The following NIBAN2 variants were observed in gnomAD, a reference collection of about 807,000 sequenced individuals.
NIBAN2 encodes niban apoptosis regulator 2.
Under a neutral mutation model 81.8 loss-of-function variants are expected in NIBAN2, and 36 were observed. That is an observed-to-expected ratio of 0.44 (90% confidence interval 0.34 to 0.58). The LOEUF (loss-of-function observed/expected upper bound fraction) is 0.58. NIBAN2 is among the 20% of genes least tolerant of loss of function. NIBAN2 has a pLI of 0.02. For missense variants in NIBAN2, 897 were observed against 1,014.1 expected (o/e 0.88, Z 1.57); for synonymous variants, 445 against 441.6 (o/e 1.01, Z -0.10).
At chr9:127,519,124 G>A (rs1389678701) in intron 5 of NIBAN2, among the ~76,000 whole-genome samples, 4 of 141,232 alleles carry the variant, frequency 2.8e-5, no homozygotes, top group Non-Finnish European at 6.0e-5. Context: ...GCAGTGAGCC[G>A]AGATTGCGCC....
intron 5 of NIBAN2, among the ~76,000 whole-genome samples, chr9:127,522,325 T>C (rs1014230908): frequency 6.6e-6 from 1 of 152,114 alleles, no homozygotes; most frequent in African/African-American, 2.4e-5. Flanking sequence ...CCAGAGGCCA[T>C]TGGCGCCCAC....
At chr9:127,518,934 G>A (rs998920790) in intron 5 of NIBAN2, among the ~76,000 whole-genome samples, 14 of 152,184 alleles carry the variant, frequency 9.2e-5, no homozygotes, top group African/African-American at 2.7e-4. Flanking sequence ...AGTACTTTGG[G>A]AGGCTGAGGT....
chr9:127,562,193 C>T (rs183269925), intron 1 of NIBAN2, among the ~76,000 whole-genome samples: 3 of 152,152 alleles, frequency 2.0e-5, no homozygotes, highest in Admixed American at 6.6e-5. Flanking sequence ...GGCTCCTCCT[C>T]CCACTTCCTC....
chr9:127,564,280 G>A (rs1477461297), intron 1 of NIBAN2, among the ~76,000 whole-genome samples: 3 of 146,140 alleles, frequency 2.1e-5, no homozygotes, highest in African/African-American at 7.6e-5. Context: ...GCAACAAAAT[G>A]AGACTCTGTA....
chr9:127,574,041 G>A (rs1837980289), upstream of NIBAN2, among the ~76,000 whole-genome samples: 1 of 152,188 alleles, frequency 6.6e-6, no homozygotes, highest in Admixed American at 6.5e-5. Flanking sequence ...ATTTGTAAGA[G>A]TTCTTTCTAT....
chr9:127,540,168 TA>T (rs1837351432), intron 1 of NIBAN2, among the ~76,000 whole-genome samples: 1 of 152,150 alleles, frequency 6.6e-6, no homozygotes, highest in Non-Finnish European at 1.5e-5. Context: ...GAACGTTAAT[TA>T]ATCTCTGATT....
intron 1 of NIBAN2, among the ~76,000 whole-genome samples, chr9:127,548,293 C>T (rs1012062220): frequency 2.6e-5 from 4 of 152,222 alleles, no homozygotes; most frequent in African/African-American, 4.8e-5. Flanking sequence ...ACGTACCGCA[C>T]CCCTGAGAAC....
rs1836847939 is a variant in NIBAN2, at chr9:127,517,129, G to A, written c.793C>T (p.Gln265Ter). ...PRLKGKPQER[Q>*]RQWIQISDAV... ...CCACCCACCTGGATCCACTGCCGCT[G>A]CCGCTCCTGCGGTTTCCCCTTCAGC... The change falls in exon 7 of 14, where the codon CAG (glutamine) becomes TAG (stop). Residue 265 changes from glutamine to a stop codon, truncating the protein, a stop_gained. Coordinates refer to ENST00000373312, the MANE Select transcript of NIBAN2 (RefSeq NM_022833.4). LOFTEE classifies it high-confidence loss of function. The surrounding 1 kb of genome is among the most constrained non-coding windows in gnomAD (Gnocchi z 4.0). 2 of 1,613,756 alleles carry A rather than the reference G, an allele frequency of 1.2e-6. No homozygotes were observed. Among genetic ancestry groups the A allele is most frequent in the Non-Finnish European group, 1.7e-6 (2 of 1,179,824 alleles).
At chr9:127,571,994 G>A (rs770069921), upstream of NIBAN2, among the ~76,000 whole-genome samples, 2 of 151,928 alleles carry the variant, frequency 1.3e-5, no homozygotes, top group African/African-American at 2.4e-5. Context: ...TGCATCAAAC[G>A]GATGCATTTT....
At chr9:127,551,752 C>G (rs1331595053) in intron 1 of NIBAN2, among the ~76,000 whole-genome samples, 1 of 152,028 alleles carries the variant, frequency 6.6e-6, no homozygotes, top group Non-Finnish European at 1.5e-5. Flanking sequence ...AAGAAAAGAA[C>G]TACCACAGTG....
At position 127,563,186 on chromosome 9, in the gene NIBAN2, G is replaced by A. The variant is rs1224621501; in HGVS notation, c.55+5634C>T. Among the ~76,000 whole-genome samples, 3 of 152,304 alleles carry A rather than the reference G, an allele frequency of 2.0e-5. No individual in the cohort carries two copies. Among genetic ancestry groups the A allele is most frequent in the South Asian group, 2.1e-4 (1 of 4,834 alleles). ...GGAGCAGCTCTGAGTAGGCGAGGCC[G>A]GCACTCAGGCCCCAGCAGTGGAAAA... On this transcript the variant is annotated intron_variant, in intron 1 of 13. Coordinates refer to ENST00000373312, the MANE Select transcript of NIBAN2 (RefSeq NM_022833.4). This position sits in a 1 kb window ranked among gnomAD's most constrained non-coding sequence, Gnocchi z 4.1.
Position 127,514,891 on chromosome 9 carries a change from C to T in NIBAN2, c.973+1966G>A, listed in dbSNP as rs561969356. On this transcript the variant is annotated intron_variant, in intron 8 of 13. Coordinates refer to ENST00000373312, the MANE Select transcript of NIBAN2 (RefSeq NM_022833.4). ...AGAATAACCTACAGGAGACCAGGCA[C>T]GGCCACTCATGCCTGTAATCCCAGT... Among the ~76,000 whole-genome samples the T allele has an allele frequency of 9.8e-5, 15 of 152,316 alleles. No homozygotes were observed. The East Asian group carries it at 1.9e-3, about 20-fold the overall frequency.
intron 2 of NIBAN2, among the ~76,000 whole-genome samples, chr9:127,527,793 C>T (rs547595198): frequency 1.6e-4 from 24 of 152,350 alleles, no homozygotes; most frequent in African/African-American, 5.8e-4. Context: ...CAAGCCTCTC[C>T]CCAGCTCTAG....
At chr9:127,547,042 A>G (rs925924746) in intron 1 of NIBAN2, among the ~76,000 whole-genome samples, 1 of 151,762 alleles carries the variant, frequency 6.6e-6, no homozygotes, top group African/African-American at 2.4e-5. Context: ...GACAGGCATG[A>G]AAGAGTTAAT....
chr9:127,550,172 C>A (rs533132358), intron 1 of NIBAN2, among the ~76,000 whole-genome samples: 2 of 152,192 alleles, frequency 1.3e-5, no homozygotes, highest in African/African-American at 4.8e-5. Flanking sequence ...AAGCCCCCCA[C>A]CCTTCCTGGC....
rs1375847353 is a variant in NIBAN2, at chr9:127,507,387, C to G, written c.1699G>C (p.Asp567His). Residue 567 changes from aspartate to histidine, a missense_variant, in exon 14 of 14, where the codon GAC becomes CAC. By Grantham distance (81) the Asp-to-His change is moderately conservative (BLOSUM62 -1). Transcript: ENST00000373312. This position sits in a 1 kb window ranked among gnomAD's most constrained non-coding sequence, Gnocchi z 6.8. Reference sequence around the variant, plus strand: ...TCGCTGTTGTGCATGACCATGCTGTCCCGGTAGAGGTTGTGCTTCCTCTGC... The same window carrying G: ...TCGCTGTTGTGCATGACCATGCTGTGCCGGTAGAGGTTGTGCTTCCTCTGC... ...AVQRKHNLYR[D>H]SMVMHNSDPN... The G allele has an allele frequency of 6.6e-7, 1 of 1,521,988 alleles. No homozygotes were observed. Among genetic ancestry groups the G allele is most frequent in the Non-Finnish European group, 8.8e-7 (1 of 1,134,794 alleles). 94.3% of individuals were successfully genotyped at this position (1,521,988 alleles called of 1,614,324 possible).
chr9:127,568,790 T>C (rs1837903607), intron 1 of NIBAN2, 30 bp downstream of exon 1: 1 of 1,287,264 alleles, frequency 7.8e-7, no homozygotes, highest in Non-Finnish European at 9.8e-7. Context: ...GGCAGGCCCC[T>C]GGGCGCGCGT....
At chr9:127,555,072 A>G (rs1307833916) in intron 1 of NIBAN2, among the ~76,000 whole-genome samples, 3 of 152,354 alleles carry the variant, frequency 2.0e-5, no homozygotes, top group African/African-American at 7.2e-5. Flanking sequence ...ATACAAACAT[A>G]CACACTTTCA....
intron 8 of NIBAN2, among the ~76,000 whole-genome samples, chr9:127,510,686 C>T (rs183109674): frequency 6.6e-6 from 1 of 152,076 alleles, no homozygotes; most frequent in Non-Finnish European, 1.5e-5. Flanking sequence ...CCACCCGCCT[C>T]GGCCTCCCAA....
Sources: allele counts gnomAD v4.1 joint callset (sites outside exome capture counted in the v4.1 genomes callset), GRCh38; gene constraint gnomAD v4.1.1; non-coding constraint Gnocchi (gnomAD v3.1); transcripts MANE v1.5; gene names NCBI Gene and HGNC (gene_info 2026-07-23, HGNC 2026-07-21).